The following DENND4C variants were observed in gnomAD, a reference collection of about 807,000 sequenced individuals.
DENND4C encodes the protein DENN domain containing 4C.
Under a neutral mutation model 203.0 loss-of-function variants are expected in DENND4C, and 108 were observed. The ratio of observed to expected loss-of-function variants is 0.53; its 90% CI spans 0.46 to 0.62. The LOEUF is 0.62. DENND4C is among the 20% of genes least tolerant of loss of function. DENND4C has a pLI of 0.00. For synonymous variants in DENND4C, 871 were observed against 792.4 expected (o/e 1.10, Z -1.67); for missense variants, 2,481 against 2,301.2 (o/e 1.08, Z -1.60).
At position 19,273,673 on chromosome 9, in the gene DENND4C, A is replaced by G. The variant is rs538568390; in HGVS notation, c.-17-2485A>G. ...ATATGGATGGAAAATAAATCAATGAAAAGATGTTCAGCATCAATAGTAATT... is the reference window on the plus strand; with the variant it reads ...ATATGGATGGAAAATAAATCAATGAGAAGATGTTCAGCATCAATAGTAATT... On this transcript the variant is annotated intron_variant, in intron 1 of 32. Coordinates refer to ENST00000434457, the MANE Select transcript of DENND4C (RefSeq NM_001330640.2). Among the ~76,000 whole-genome samples the G allele has an allele frequency of 2.7e-3, 409 of 152,188 alleles. 1 individual carries two copies. The highest frequency in any genetic ancestry group is 0.014 in the Middle Eastern group (4 of 294).
At chr9:19,370,454 CAAA>C (rs202144404) in intron 31 of DENND4C, among the ~76,000 whole-genome samples, 5 of 128,676 alleles carry the variant, frequency 3.9e-5, no homozygotes, top group Non-Finnish European at 8.4e-5. Context: ...AACCCTGTCT[CAAA>C]AAAAAAAAAA....
chr9:19,247,132 A>G (rs1825485143), intron 1 of DENND4C, among the ~76,000 whole-genome samples: 1 of 152,166 alleles, frequency 6.6e-6, no homozygotes, highest in African/African-American at 2.4e-5. Flanking sequence ...GGTTTTCTGG[A>G]TGCCATATAT....
At chr9:19,363,298 G>A (rs983524737) in intron 30 of DENND4C, among the ~76,000 whole-genome samples, 31 of 151,526 alleles carry the variant, frequency 2.0e-4, no homozygotes, top group African/African-American at 7.5e-4. Context: ...GGTGGATCAC[G>A]AGGTCAGGAG....
intron 1 of DENND4C, among the ~76,000 whole-genome samples, chr9:19,259,546 C>A (rs1193983093): frequency 6.7e-5 from 10 of 148,442 alleles, no homozygotes; most frequent in African/African-American, 2.5e-4. Context: ...CTCTTGTTGC[C>A]CAGGCTGGAG....
At chr9:19,296,499 G>A (rs1696873437) in intron 6 of DENND4C, among the ~76,000 whole-genome samples, 1 of 151,866 alleles carries the variant, frequency 6.6e-6, no homozygotes, top group Admixed American at 6.6e-5. Context: ...GAGTAGCTGG[G>A]ATTACAGGCA....
intron 2 of DENND4C, among the ~76,000 whole-genome samples, chr9:19,279,570 G>C (rs972122138): frequency 2.0e-5 from 3 of 150,678 alleles, no homozygotes; most frequent in Admixed American, 1.3e-4. Flanking sequence ...CCTGCTACTT[G>C]GGAGGCTGAG....
chr9:19,243,528 C>A (rs556794366), intron 1 of DENND4C, among the ~76,000 whole-genome samples: 2 of 152,186 alleles, frequency 1.3e-5, no homozygotes, highest in Non-Finnish European at 2.9e-5. Context: ...CATTCCCAGT[C>A]TCCTAGTCCC....
In DENND4C at chr9:19,336,862, C is replaced by T. The variant is rs534611169; in HGVS notation, c.2881+30C>T. ...TAAAATCCAGATTTTACTAACCCTT[C>T]ACTTACTCTCATGTTAAATCTTTCC... On this transcript the variant is annotated intron_variant, in intron 20 of 32. Transcript: ENST00000434457. 1.2e-5 allele frequency: 19 copies of T among 1,533,094 alleles called. No individual in the cohort carries two copies. In the East Asian group the frequency reaches 4.4e-4, roughly 36 times the overall value. The allele number at this position is 1,533,094 out of a possible 1,614,324, so 95.0% of individuals were successfully genotyped here. A position where few individuals can be genotyped will look rare whatever the true frequency, so the allele number is the denominator to read the frequency against.
intron 30 of DENND4C, among the ~76,000 whole-genome samples, chr9:19,369,459 C>T (rs975781514): frequency 6.6e-6 from 1 of 152,116 alleles, no homozygotes; most frequent in Non-Finnish European, 1.5e-5. Flanking sequence ...AATGCGACAA[C>T]TCTGGAGAAA....
intron 12 of DENND4C, among the ~76,000 whole-genome samples, chr9:19,317,438 G>C (rs1842045175): frequency 6.6e-6 from 1 of 152,014 alleles, no homozygotes; most frequent in Non-Finnish European, 1.5e-5. Context: ...TTTTTAGTAT[G>C]TTTTGTTTTA....
chr9:19,335,656 G>A (rs1188092930), intron 18 of DENND4C, among the ~76,000 whole-genome samples: 1 of 151,872 alleles, frequency 6.6e-6, no homozygotes. Context: ...TGTCCTCTGG[G>A]TTCATTCATA....
At chr9:19,277,708 T>C (rs567268507) in intron 2 of DENND4C, among the ~76,000 whole-genome samples, 10 of 152,232 alleles carry the variant, frequency 6.6e-5, no homozygotes, top group African/African-American at 2.4e-4. Context: ...ATAGCAGTGG[T>C]GAAAGCAGGC....
chr9:19,304,246 G>A (rs1839196194), intron 9 of DENND4C, among the ~76,000 whole-genome samples: 1 of 147,338 alleles, frequency 6.8e-6, no homozygotes, highest in African/African-American at 2.5e-5. Context: ...GTGCAGTGGT[G>A]CAAACTCGGC....
intron 12 of DENND4C, among the ~76,000 whole-genome samples, chr9:19,317,220 T>C (rs372003054): frequency 4.0e-5 from 6 of 150,006 alleles, no homozygotes; most frequent in Admixed American, 3.3e-4. Flanking sequence ...AGAGTCTTGC[T>C]GTGTTGGCCA....
At chr9:19,350,928 CTT>C (rs375833706) in intron 24 of DENND4C, 49 bp downstream of exon 24, 332 of 1,228,638 alleles carry the variant, frequency 2.7e-4, no homozygotes, top group African/African-American at 6.9e-4. Context: ...ATAGTTTTTG[CTT>C]TTTTTTTTTA....
chr9:19,300,221 G>T lies in DENND4C; in HGVS notation c.1201G>T (p.Gly401Cys), dbSNP rs750382276. ...CTTTAGCACCTTGCTAATGAATCTG[G>T]GTCCTGAGAATTGTGCAACACTGCT... Reference protein sequence around the residue: ...ANFSTLLMNLGPENCATLLLF... With the variant: ...ANFSTLLMNLCPENCATLLLF... Residue 401 changes from glycine to cysteine, a missense_variant, in exon 9 of 33, where the codon GGT becomes TGT. This residue lies in a region of DENND4C where 2,289 missense variants were observed against 2,113.3 expected (regional missense o/e 1.08). Coordinates refer to ENST00000434457, the MANE Select transcript of DENND4C (RefSeq NM_001330640.2). 1 of 1,610,756 alleles carries T rather than the reference G, an allele frequency of 6.2e-7. No individual in the cohort carries two copies. Among genetic ancestry groups the T allele is most frequent in the East Asian group, 2.2e-5 (1 of 44,796 alleles).
intron 2 of DENND4C, among the ~76,000 whole-genome samples, chr9:19,278,943 G>A (rs1227312407): frequency 6.6e-6 from 1 of 152,144 alleles, no homozygotes; most frequent in Non-Finnish European, 1.5e-5. Context: ...GTAGCCCATG[G>A]ACCAGTATTG....
chr9:19,342,103 G>A (rs886245098), intron 21 of DENND4C, among the ~76,000 whole-genome samples: 42 of 121,646 alleles, frequency 3.5e-4, no homozygotes, highest in African/African-American at 1.2e-3. Flanking sequence ...TAGCCTGGGC[G>A]ACAAGAGCAA....
At chr9:19,318,773 A>G (rs902472509) in intron 12 of DENND4C, among the ~76,000 whole-genome samples, 1 of 152,204 alleles carries the variant, frequency 6.6e-6, no homozygotes, top group Non-Finnish European at 1.5e-5. Flanking sequence ...GTCTTACTGA[A>G]CTAGGATCTA....
Sources: allele counts gnomAD v4.1 joint callset (sites outside exome capture counted in the v4.1 genomes callset), GRCh38; gene constraint gnomAD v4.1.1; regional missense constraint gnomAD v4.1.1; transcripts MANE v1.5; gene names NCBI Gene and HGNC (gene_info 2026-07-23, HGNC 2026-07-21).